DNAH8: variants seen among roughly 807,000 people sequenced by gnomAD.
DNAH8 encodes the protein axonemal beta dynein heavy chain 8.
In DNAH8, 382 loss-of-function variants were observed where a neutral mutation model predicts 562.1. That is an observed-to-expected ratio of 0.68 (90% confidence interval 0.63 to 0.74). The LOEUF (loss-of-function observed/expected upper bound fraction) is 0.74. Ranked by LOEUF, DNAH8 falls within the 30% of genes least tolerant of loss-of-function variation. The probability of loss-of-function intolerance (pLI) is 0.00; values close to 1 mark genes in which losing one functional copy is unlikely to be tolerated. For missense variants in DNAH8, 5,203 were observed against 5,620.4 expected (o/e 0.93, Z 2.37); for synonymous variants, 1,881 against 1,919.4 (o/e 0.98, Z 0.52).
At chr6:39,000,302 A>G (rs181738858) in intron 88 of DNAH8, among the ~76,000 whole-genome samples, 2 of 152,312 alleles carry the variant, frequency 1.3e-5, no homozygotes, top group Admixed American at 1.3e-4. Context: ...CAGGTGGAGG[A>G]GCAATCAATT....
rs1482042985 is a variant in DNAH8, at chr6:38,924,284, G to A, written c.10962+122G>A. On this transcript the variant is annotated intron_variant, in intron 73 of 92. Transcript: ENST00000327475. ...TCCCAGCACTTTGGGAGGCTGAGGA[G>A]GGCAGATCATGAGGTCAGGAGTTCA... is the stretch of plus-strand genomic sequence containing the variant. The A allele has an allele frequency of 5.5e-6, 5 of 907,786 alleles. No homozygotes were observed. In the East Asian group the frequency reaches 8.0e-5, roughly 14 times the overall value. The allele number at this position is 907,786 out of a possible 1,614,324, so 56.2% of individuals were successfully genotyped here.
intron 24 of DNAH8, among the ~76,000 whole-genome samples, chr6:38,809,755 G>A (rs1771628082): frequency 6.6e-6 from 1 of 152,138 alleles, no homozygotes; most frequent in African/African-American, 2.4e-5. Context: ...TTCTCCCAGT[G>A]TGATTGTGGA....
At chr6:38,761,898 C>A in intron 11 of DNAH8, 95 bp downstream of exon 11, 1 of 633,836 alleles carries the variant, frequency 1.6e-6, no homozygotes. Flanking sequence ...ACTGAAAAAA[C>A]TTCCTACAGA....
At chr6:38,847,223 A>G (rs1283215464) in intron 36 of DNAH8, among the ~76,000 whole-genome samples, 1 of 152,130 alleles carries the variant, frequency 6.6e-6, no homozygotes, top group Admixed American at 6.6e-5. Context: ...TGTACAATGC[A>G]GGTATCTAGC....
At chr6:38,736,456 A>G (rs1764096350) in intron 5 of DNAH8, among the ~76,000 whole-genome samples, 1 of 152,242 alleles carries the variant, frequency 6.6e-6, no homozygotes, top group Non-Finnish European at 1.5e-5. Flanking sequence ...ACACGAATCA[A>G]GACGACACCA....
At chr6:38,939,083 G>GAA in intron 79 of DNAH8, 95 bp downstream of exon 79, 1 of 942,706 alleles carries the variant, frequency 1.1e-6, no homozygotes, top group Non-Finnish European at 1.5e-6. Context: ...ATACAGTAGG[G>GAA]AAATGATGTT....
At chr6:38,831,603 A>G (rs1773844458) in intron 30 of DNAH8, among the ~76,000 whole-genome samples, 1 of 152,152 alleles carries the variant, frequency 6.6e-6, no homozygotes, top group Non-Finnish European at 1.5e-5. Flanking sequence ...GATAGCTGCT[A>G]TTGTTGAGAG....
rs890134081 is a variant in DNAH8 at position 38,790,296 on chromosome 6, C to T, written c.2672C>T (p.Ser891Phe). 5 of 1,595,884 alleles carry T rather than the reference C, an allele frequency of 3.1e-6. No homozygotes were observed. The highest frequency in any genetic ancestry group is 4.3e-6 in the Non-Finnish European group (5 of 1,166,438). ...TGTTTTTACCGTTTCTAGGTGGAAT[C>T]TGTGTTGAGGCAAGGACTCACAGTG... ...LMTPKMKKVE[S>F]VLRQGLTVLT... The change falls in exon 20 of 93, where the codon TCT (serine) becomes TTT (phenylalanine). Residue 891 changes from serine to phenylalanine, a missense_variant. Ser to Phe is a radical substitution (Grantham distance 155). Coordinates refer to ENST00000327475, the MANE Select transcript of DNAH8 (RefSeq NM_001206927.2).
Position 38,908,040 on chromosome 6 carries a change from C to T in DNAH8, c.9433C>T (p.Pro3145Ser), listed in dbSNP as rs1780616327. 6.2e-7 allele frequency: 1 copy of T among 1,612,116 alleles called. No homozygotes were observed. Among genetic ancestry groups the T allele is most frequent in the Non-Finnish European group, 8.5e-7 (1 of 1,178,968 alleles). ...SVMKRELPRHPPTFDNLYEYF... is the reference protein window; with the variant it reads ...SVMKRELPRHSPTFDNLYEYF... Reference sequence around the variant, plus strand: ...GATGAAGAGGGAGCTACCTCGCCATCCTCCTACCTTTGATAATTTGTATGA... The same window carrying T: ...GATGAAGAGGGAGCTACCTCGCCATTCTCCTACCTTTGATAATTTGTATGA... The change falls in exon 64 of 93, where the codon CCT (proline) becomes TCT (serine). Residue 3145 changes from proline to serine, a missense_variant. Coordinates refer to ENST00000327475, the MANE Select transcript of DNAH8 (RefSeq NM_001206927.2).
Position 38,780,061 on chromosome 6 carries a change from A to C in DNAH8, c.2135A>C (p.Lys712Thr). 4 of 1,613,478 alleles carry C rather than the reference A, an allele frequency of 2.5e-6. No homozygotes were observed. Among genetic ancestry groups the C allele is most frequent in the Non-Finnish European group, 3.4e-6 (4 of 1,179,464 alleles). The change falls in exon 15 of 93, where the codon AAG becomes ACG. Residue 712 changes from lysine to threonine, a missense_variant. Physicochemically the swap from Lys to Thr is moderately conservative, Grantham distance 78 (BLOSUM62 -1). Around this residue, in one of 6 missense-constraint regions of DNAH8, gnomAD observed 2,176 missense variants for 2,365.1 expected, o/e 0.92. Transcript: ENST00000327475. Reference protein sequence around the residue: ...QYYVAELDATKKLYHSQKDDP... With the variant: ...QYYVAELDATTKLYHSQKDDP... ...TATGTGGCTGAACTTGATGCTACTA[A>C]GAAGGCAAGTGTCATGTTTATAAAT...
intron 30 of DNAH8, among the ~76,000 whole-genome samples, chr6:38,829,239 T>G (rs1284198077): frequency 1.3e-5 from 2 of 152,194 alleles, no homozygotes; most frequent in African/African-American, 4.8e-5. Context: ...GATACAAGTT[T>G]CTTATCAGAT....
At chr6:38,855,221 T>C (rs576361125) in intron 41 of DNAH8, among the ~76,000 whole-genome samples, 1 of 152,166 alleles carries the variant, frequency 6.6e-6, no homozygotes, top group East Asian at 1.9e-4. Flanking sequence ...TTGAATGCCA[T>C]GGATCCTTGC....
intron 62 of DNAH8, among the ~76,000 whole-genome samples, chr6:38,902,779 T>C (rs1197594123): frequency 1.3e-5 from 2 of 152,172 alleles, no homozygotes; most frequent in Non-Finnish European, 2.9e-5. Flanking sequence ...GCAGGATTGA[T>C]AGGACTTAGT....
chr6:38,913,405 T>G (rs1368529095), intron 66 of DNAH8, among the ~76,000 whole-genome samples: 1 of 152,224 alleles, frequency 6.6e-6, no homozygotes, highest in Non-Finnish European at 1.5e-5. Context: ...ACATAAGTTT[T>G]CACAGTTATT....
intron 5 of DNAH8, 82 bp downstream of exon 5, chr6:38,734,707 C>G: frequency 1.4e-6 from 2 of 1,461,304 alleles, no homozygotes; most frequent in Non-Finnish European, 9.2e-7. Flanking sequence ...CTTTGCTTTC[C>G]CTTTTTAAAT....
chr6:38,726,851 G>GTTTTTTTTT, intron 3 of DNAH8, among the ~76,000 whole-genome samples: 1 of 63,256 alleles, frequency 1.6e-5, no homozygotes, highest in African/African-American at 6.7e-5. Context: ...GTATTCTTTA[G>GTTTTTTTTT]TTTTTTTTTT....
At chr6:38,803,344 AG>A in intron 22 of DNAH8, 33 bp downstream of exon 22, 1 of 1,560,734 alleles carries the variant, frequency 6.4e-7, no homozygotes, top group South Asian at 1.2e-5. Context: ...TTGAATTACA[AG>A]ATCTACAGAT....
intron 82 of DNAH8, among the ~76,000 whole-genome samples, chr6:38,955,943 A>G (rs1242279532): frequency 6.6e-6 from 1 of 152,198 alleles, no homozygotes; most frequent in Admixed American, 6.5e-5. Flanking sequence ...CCTGCTCCCC[A>G]AGGAGTTTGG....
At chr6:38,989,315 G>A (rs1480635441) in intron 87 of DNAH8, among the ~76,000 whole-genome samples, 2 of 149,834 alleles carry the variant, frequency 1.3e-5, no homozygotes, top group East Asian at 1.9e-4. Flanking sequence ...TGGCTCATAG[G>A]CATTTAGCAT....
Sources: gnomAD v4.1 joint callset for allele counts (sites outside exome capture counted in the v4.1 genomes callset) on GRCh38, gnomAD v4.1.1 for gene constraint, gnomAD v4.1.1 regional missense constraint, MANE v1.5 for transcripts, NCBI Gene and HGNC (gene_info 2026-07-23, HGNC 2026-07-21) for gene names.